The following ARHGEF7 variants were observed in gnomAD, a reference collection of about 807,000 sequenced individuals.
ARHGEF7 encodes the protein PAK-interacting exchange factor beta.
ARHGEF7 carries 33 observed loss-of-function variants against 109.8 expected under a neutral mutation model. The observed-to-expected ratio is 0.30, with a 90% CI of 0.23 to 0.40. The LOEUF (loss-of-function observed/expected upper bound fraction) is 0.40. Among genes scored for constraint, ARHGEF7 ranks in the 10% least tolerant of loss-of-function variants. The probability of loss-of-function intolerance (pLI) is 1.00; values close to 1 mark genes in which losing one functional copy is unlikely to be tolerated. For synonymous variants in ARHGEF7, 458 were observed against 424.6 expected, an observed-to-expected ratio of 1.08 and a Z score of -0.97; for missense variants, 938 against 1,098.5, an observed-to-expected ratio of 0.85 and a Z score of 2.07.
intron 17 of ARHGEF7, among the ~76,000 whole-genome samples, chr13:111,287,394 G>A (rs568133868): frequency 2.0e-5 from 3 of 152,324 alleles, no homozygotes; most frequent in South Asian, 2.1e-4. Flanking sequence ...GAGCTGGGCC[G>A]GGGGCCGGCT....
In ARHGEF7 at chr13:111,305,678, A is replaced by G. The variant is rs1209994772; in HGVS notation, c.*2565A>G. On this transcript the variant is annotated 3_prime_UTR_variant, in exon 22 of 22. Coordinates refer to ENST00000646102, the MANE Select transcript of ARHGEF7 (RefSeq NM_001354046.2). ...AGACAATGTCCTAGTGTTGACTACT[A>G]CAATGTTGATGCTACACTGTTGTAA... is the stretch of plus-strand genomic sequence containing the variant. 6.6e-6 allele frequency: 1 copy of G among 152,214 alleles called. No individual in the cohort carries two copies. Among genetic ancestry groups the G allele is most frequent in the African/African-American group, 2.4e-5 (1 of 41,444 alleles). 9.4% of individuals were successfully genotyped at this position (152,214 alleles called of 1,614,324 possible).
At chr13:111,289,407 A>C (rs1202141029) in intron 18 of ARHGEF7, among the ~76,000 whole-genome samples, 1 of 152,168 alleles carries the variant, frequency 6.6e-6, no homozygotes, top group Non-Finnish European at 1.5e-5. Context: ...CGGCTGATGC[A>C]GCGTGCCTGT....
Position 111,275,612 on chromosome 13 carries a change from T to C in ARHGEF7, c.1353T>C (p.Asp451=), listed in dbSNP as rs746821748. The change falls in exon 12 of 22, where the codon GAT becomes GAC. Residue 451 remains aspartate, a synonymous_variant. Coordinates refer to ENST00000646102, the MANE Select transcript of ARHGEF7 (RefSeq NM_001354046.2). ...LTEAIRNWEG[D]DIKTLGNVTY... ...AAGCCATCCGGAACTGGGAGGGCGA[T>C]GACATTAAAACTCTGGGCAACGTCA... The C allele has an allele frequency of 6.2e-7, 1 of 1,614,180 alleles. No individual in the cohort carries two copies. Among genetic ancestry groups the C allele is most frequent in the East Asian group, 2.2e-5 (1 of 44,874 alleles).
intron 2 of ARHGEF7, among the ~76,000 whole-genome samples, chr13:111,175,057 G>A (rs948382101): frequency 6.6e-6 from 1 of 152,236 alleles, no homozygotes; most frequent in East Asian, 1.9e-4. Context: ...AAATTAGATT[G>A]TAGCCTTTCC....
At position 111,272,816 on chromosome 13, in the gene ARHGEF7, CAG is replaced by C. The variant is rs891292366; in HGVS notation, c.1074-994_1074-993del. On this transcript the variant is annotated intron_variant, in intron 9 of 21. Transcript: ENST00000646102. This position sits in a 1 kb window ranked among gnomAD's most constrained non-coding sequence, Gnocchi z 5.2. ...GAGGGACAGCAGACCCAGGGCCTGA[CAG>C]AGACCTCAGAGATCGCCAGTGAAGG... 2.0e-5 allele frequency among the ~76,000 whole-genome samples: 3 copies of C among 152,288 alleles called. No individual in the cohort carries two copies. Among genetic ancestry groups the C allele is most frequent in the Non-Finnish European group, 4.4e-5 (3 of 68,016 alleles).
At chr13:111,194,135 C>T (rs372337200) in intron 2 of ARHGEF7, among the ~76,000 whole-genome samples, 1 of 152,202 alleles carries the variant, frequency 6.6e-6, no homozygotes. Context: ...GCTACTACAT[C>T]GATTTCCTTA....
At chr13:111,197,161 C>T (rs1183825966) in intron 2 of ARHGEF7, among the ~76,000 whole-genome samples, 2 of 151,852 alleles carry the variant, frequency 1.3e-5, no homozygotes, top group African/African-American at 2.4e-5. Flanking sequence ...CGCTCACCGA[C>T]GCAGCAGCAG....
At chr13:111,152,743 A>C (rs2075959375) in intron 1 of ARHGEF7, among the ~76,000 whole-genome samples, 2 of 152,260 alleles carry the variant, frequency 1.3e-5, no homozygotes, top group African/African-American at 4.8e-5. Flanking sequence ...TAATGTCTTC[A>C]CATGTAATTT....
intron 8 of ARHGEF7, among the ~76,000 whole-genome samples, chr13:111,262,242 T>C (rs1244888458): frequency 1.3e-5 from 2 of 152,186 alleles, no homozygotes; most frequent in African/African-American, 4.8e-5. Context: ...AATTTTTCTT[T>C]TTTGTTTCTG....
intron 15 of ARHGEF7, 94 bp downstream of exon 15, chr13:111,280,771 C>G: frequency 7.4e-7 from 1 of 1,346,278 alleles, no homozygotes; most frequent in African/African-American, 1.5e-5. Flanking sequence ...AAAACCTAAT[C>G]AATATTTGGA....
At chr13:111,250,347 C>T (rs117527900) in intron 8 of ARHGEF7, among the ~76,000 whole-genome samples, 2,551 of 152,320 alleles carry the variant, frequency 0.017, 39 homozygotes, top group Middle Eastern at 0.075. Flanking sequence ...GCTGCCACCA[C>T]GTGCGTGATG....
At position 111,221,562 on chromosome 13, in the gene ARHGEF7, T is replaced by G. The variant is rs1316475330; in HGVS notation, c.670+3682T>G. Among the ~76,000 whole-genome samples the G allele has an allele frequency of 5.0e-5, 3 of 60,102 alleles. No homozygotes were observed. In the East Asian group the frequency reaches 4.6e-3, roughly 92 times the overall value. The allele number at this position is 60,102 out of a possible 152,430, so 39.4% of individuals were successfully genotyped here. ...ATATAGATACATATCTATATATCTA[T>G]ATATATAGATACATATCTATATATA... is the stretch of plus-strand genomic sequence containing the variant. On this transcript the variant is annotated intron_variant, in intron 5 of 21. Transcript: ENST00000646102.
intron 2 of ARHGEF7, among the ~76,000 whole-genome samples, chr13:111,175,053 G>C (rs1330289478): frequency 6.6e-6 from 1 of 152,258 alleles, no homozygotes; most frequent in East Asian, 1.9e-4. Flanking sequence ...AATTAAATTA[G>C]ATTGTAGCCT....
intron 5 of ARHGEF7, among the ~76,000 whole-genome samples, chr13:111,229,601 A>G (rs2085741266): frequency 6.6e-6 from 1 of 152,144 alleles, no homozygotes; most frequent in South Asian, 2.1e-4. Context: ...GTCCCTTTAT[A>G]TGCCACATCC....
Position 111,145,465 on chromosome 13 carries a change from TGAGAGCTGTAGTTACAGGA to T in ARHGEF7, c.166-8436_166-8418del, listed in dbSNP as rs537898834. 2.3e-3 allele frequency among the ~76,000 whole-genome samples: 344 copies of T among 152,236 alleles called. 1 individual carries two copies. Among genetic ancestry groups the T allele is most frequent in the Middle Eastern group, 0.02 (6 of 294 alleles). On this transcript the variant is annotated intron_variant, in intron 1 of 21. Transcript: ENST00000646102. The surrounding 1 kb of genome is among the most constrained non-coding windows in gnomAD (Gnocchi z 4.3). Reference sequence around the variant, plus strand: ...AGGGAAGGAGGGTTTCTCCAGCCAGTGAGAGCTGTAGTTACAGGAGAGGCTGCCTGACAGGAGCCATGGT... The same window carrying T: ...AGGGAAGGAGGGTTTCTCCAGCCAGTGAGGCTGCCTGACAGGAGCCATGGT...
intron 6 of ARHGEF7, chr13:111,241,292 T>A: frequency 6.5e-7 from 1 of 1,536,154 alleles, no homozygotes; most frequent in Non-Finnish European, 8.7e-7. Flanking sequence ...CATGGGGTCC[T>A]GCAGCAGCCA....
intron 5 of ARHGEF7, among the ~76,000 whole-genome samples, chr13:111,222,473 T>C (rs1399068130): frequency 6.6e-6 from 1 of 152,206 alleles, no homozygotes; most frequent in Non-Finnish European, 1.5e-5. Flanking sequence ...AGTTTCACTC[T>C]TGTTGCCCAG....
At chr13:111,132,822 T>C (rs985967225) in intron 1 of ARHGEF7, among the ~76,000 whole-genome samples, 3 of 152,212 alleles carry the variant, frequency 2.0e-5, no homozygotes, top group African/African-American at 7.2e-5. Context: ...CTTTTTTCTT[T>C]TTAATCCTTT....
chr13:111,234,335 C>G (rs2086501450), intron 6 of ARHGEF7, among the ~76,000 whole-genome samples: 1 of 152,204 alleles, frequency 6.6e-6, no homozygotes, highest in Non-Finnish European at 1.5e-5. Flanking sequence ...GCACTCTCAG[C>G]TTCCTCCTGA....
Sources: gnomAD v4.1 joint callset for allele counts (sites outside exome capture counted in the v4.1 genomes callset) on GRCh38, gnomAD v4.1.1 for gene constraint, Gnocchi (gnomAD v3.1) non-coding constraint, MANE v1.5 for transcripts, NCBI Gene and HGNC (gene_info 2026-07-23, HGNC 2026-07-21) for gene names.